LINGO2: variants seen among roughly 807,000 people sequenced by gnomAD.
The protein encoded by LINGO2 is leucine-rich repeat and immunoglobulin-like domain-containing nogo receptor-interacting protein 2.
In LINGO2, 14 loss-of-function variants were observed where a neutral mutation model predicts 30.6. That is an observed-to-expected ratio of 0.46 (90% CI 0.30 to 0.72). The LOEUF is 0.72. LINGO2 is among the 30% of genes least tolerant of loss of function. The pLI is 0.07. For synonymous variants in LINGO2, 317 were observed against 288.5 expected (o/e 1.10, Z -1.00); for missense variants, 729 against 751.7 (o/e 0.97, Z 0.35).
At chr9:28,317,005 T>G (rs1307293280) in intron 3 of LINGO2, among the ~76,000 whole-genome samples, 1 of 152,208 alleles carries the variant, frequency 6.6e-6, no homozygotes, top group Non-Finnish European at 1.5e-5. Context: ...TGACAATGTA[T>G]ATCCGTCATT....
chr9:29,204,748 C>G, the LINGO2 span, among the ~76,000 whole-genome samples: 1 of 152,142 alleles, frequency 6.6e-6, no homozygotes, highest in African/African-American at 2.4e-5. Context: ...TTAATAAAAT[C>G]ATGTTCACAC....
chr9:28,234,870 G>A (rs1441920646), intron 4 of LINGO2, among the ~76,000 whole-genome samples: 2 of 149,458 alleles, frequency 1.3e-5, no homozygotes, highest in Admixed American at 6.6e-5. Flanking sequence ...TTATATATAC[G>A]TATACACCAC....
chr9:28,742,447 C>CT, the LINGO2 span, among the ~76,000 whole-genome samples: 2 of 151,162 alleles, frequency 1.3e-5, no homozygotes, highest in African/African-American at 4.9e-5. Flanking sequence ...CCCTAAACTA[C>CT]TTTTTTCTGG....
At chr9:28,503,422 T>G (rs561919289) in intron 1 of LINGO2, among the ~76,000 whole-genome samples, 1 of 152,188 alleles carries the variant, frequency 6.6e-6, no homozygotes, top group Non-Finnish European at 1.5e-5. Context: ...AACACATGTT[T>G]AGCTATCATG....
intron 1 of LINGO2, among the ~76,000 whole-genome samples, chr9:28,639,601 T>C (rs1827471294): frequency 2.0e-5 from 3 of 152,182 alleles, no homozygotes; most frequent in Non-Finnish European, 4.4e-5. Context: ...TTTTGATCTT[T>C]GTTGGTTTAA....
intron 1 of LINGO2, among the ~76,000 whole-genome samples, chr9:28,591,312 A>AAT (rs901726576): frequency 2.4e-4 from 37 of 151,866 alleles, no homozygotes; most frequent in South Asian, 4.2e-4. Flanking sequence ...GTATAATAAA[A>AAT]ATATATATAT....
intron 4 of LINGO2, among the ~76,000 whole-genome samples, chr9:28,231,054 C>T (rs1296610389): frequency 6.6e-6 from 1 of 151,506 alleles, no homozygotes; most frequent in East Asian, 1.9e-4. Context: ...AATGAATATA[C>T]TAATATATAA....
chr9:29,067,876 A>C, the LINGO2 span, among the ~76,000 whole-genome samples: 1 of 151,732 alleles, frequency 6.6e-6, no homozygotes, highest in Non-Finnish European at 1.5e-5. Flanking sequence ...ACTAAAGCCC[A>C]GAACAAGCTG....
rs959942870 is a variant in LINGO2 at position 28,617,594 on chromosome 9, C to A, written c.-365+52606G>T. ...ACAGGCGTGAGCCACCGCGCCCAGA[C>A]AATAACATTTCTAATTTATTATTCC... On this transcript the variant is annotated intron_variant, in intron 1 of 5. Coordinates refer to ENST00000379992, the Ensembl canonical transcript of LINGO2. Among the ~76,000 whole-genome samples the A allele has an allele frequency of 2.6e-5, 4 of 152,158 alleles. 1 individual carries two copies. The highest frequency in any genetic ancestry group is 5.9e-5 in the Non-Finnish European group (4 of 68,012).
chr9:28,714,844 G>C, the LINGO2 span, among the ~76,000 whole-genome samples: 6 of 152,114 alleles, frequency 3.9e-5, no homozygotes, highest in Non-Finnish European at 8.8e-5. Context: ...GTTATGTTTA[G>C]TTATTATGTA....
chr9:28,999,952 T>C, the LINGO2 span, among the ~76,000 whole-genome samples: 40 of 152,102 alleles, frequency 2.6e-4, no homozygotes, highest in African/African-American at 9.1e-4. Flanking sequence ...GAACCCCATA[T>C]ACTAAATGTA....
At chr9:28,770,454 T>G in the LINGO2 span, among the ~76,000 whole-genome samples, 1 of 152,192 alleles carries the variant, frequency 6.6e-6, no homozygotes, top group Non-Finnish European at 1.5e-5. Flanking sequence ...TGTACTCTGC[T>G]GTAAATGTTG....
intron 3 of LINGO2, among the ~76,000 whole-genome samples, chr9:28,351,327 G>A (rs1284424588): frequency 1.4e-5 from 2 of 143,004 alleles, no homozygotes; most frequent in African/African-American, 2.6e-5. Context: ...TATCACCACC[G>A]ATCCCACAGA....
At chr9:28,798,720 G>A in the LINGO2 span, among the ~76,000 whole-genome samples, 2 of 152,094 alleles carry the variant, frequency 1.3e-5, no homozygotes, top group Non-Finnish European at 2.9e-5. Context: ...CACGGTTGCA[G>A]GCACAGAACT....
In LINGO2 at chr9:28,316,967, C is replaced by T. The variant is rs541499436; in HGVS notation, c.-245-21601G>A. Among the ~76,000 whole-genome samples the T allele has an allele frequency of 3.9e-5, 6 of 152,294 alleles. No homozygotes were observed. The South Asian group carries it at 8.3e-4, about 21-fold the overall frequency. On this transcript the variant is annotated intron_variant, in intron 3 of 5. Coordinates refer to ENST00000379992, the Ensembl canonical transcript of LINGO2. The stretch of plus-strand genomic sequence containing the variant: ...ATCAGTTGAGTACATGCTACATGCA[C>T]TATGCTAACTTGGCTATTTCACCTA...
At chr9:28,644,361 A>G (rs1420487438) in intron 1 of LINGO2, among the ~76,000 whole-genome samples, 1 of 152,064 alleles carries the variant, frequency 6.6e-6, no homozygotes, top group Non-Finnish European at 1.5e-5. Flanking sequence ...ATTCAGCCAT[A>G]AAAAAGAATG....
intron 1 of LINGO2, among the ~76,000 whole-genome samples, chr9:28,647,447 G>C: frequency 6.6e-6 from 1 of 152,028 alleles, no homozygotes; most frequent in Non-Finnish European, 1.5e-5. Context: ...CACATAATCA[G>C]TGTTAGTGAT....
intron 4 of LINGO2, among the ~76,000 whole-genome samples, chr9:28,262,460 C>CA (rs1209742799): frequency 6.6e-6 from 1 of 151,604 alleles, no homozygotes. Flanking sequence ...AACAAATGGA[C>CA]AAAAAAGCCA....
At chr9:27,958,760 C>A (rs879098967) in intron 5 of LINGO2, among the ~76,000 whole-genome samples, 1 of 149,290 alleles carries the variant, frequency 6.7e-6, no homozygotes, top group African/African-American at 2.6e-5. Flanking sequence ...AACGTATACC[C>A]TGTGGTTAAG....
Sources: allele counts gnomAD v4.1 joint callset (sites outside exome capture counted in the v4.1 genomes callset), GRCh38; gene constraint gnomAD v4.1.1; transcripts MANE v1.5; gene names NCBI Gene and HGNC (gene_info 2026-07-23, HGNC 2026-07-21).